LIMD1: variants seen among roughly 807,000 people sequenced by gnomAD.
LIMD1 encodes LIM domain containing 1.
A neutral mutation model predicts 58.4 loss-of-function variants in LIMD1; 23 were observed. The ratio of observed to expected loss-of-function variants is 0.39; its 90% CI spans 0.28 to 0.56. LIMD1 has a LOEUF of 0.56. Ranked by LOEUF, LIMD1 falls within the 20% of genes least tolerant of loss-of-function variation. LIMD1 has a pLI of 0.57. For synonymous variants in LIMD1, 334 were observed against 345.5 expected (o/e 0.97, Z 0.37); for missense variants, 838 against 855.5 (o/e 0.98, Z 0.25).
intron 1 of LIMD1, among the ~76,000 whole-genome samples, chr3:45,615,008 G>A (rs760157338): frequency 2.0e-5 from 3 of 152,032 alleles, no homozygotes; most frequent in South Asian, 2.1e-4. Flanking sequence ...AGAGGATGTC[G>A]GGGAGCAGAA....
Position 45,596,171 on chromosome 3 carries a change from GC to G in LIMD1, c.1294del (p.Gln432SerfsTer9). The G allele has an allele frequency of 6.2e-7, 1 of 1,613,996 alleles. No individual in the cohort carries two copies. The highest frequency in any genetic ancestry group is 8.5e-7 in the Non-Finnish European group (1 of 1,179,962). ...AGCTCCCCTAGGGTAAGGCTGCCCTGCCAGCCCCTCGTCCCAGGTCCTGAGC... is the reference window on the plus strand; with the variant it reads ...AGCTCCCCTAGGGTAAGGCTGCCCTGCAGCCCCTCGTCCCAGGTCCTGAGC... Reference protein sequence around the residue: ...SPSSPRVRLPCQPLVPGPELR... With the variant: ...SPSSPRVRLPXQPLVPGPELR... On this transcript the variant is annotated frameshift_variant, in exon 1 of 8. Transcript: ENST00000273317. LOFTEE classifies it high-confidence loss of function.
rs55722630 is a variant in LIMD1 at position 45,602,223 on chromosome 3, T to C, written c.1408+5936T>C. On this transcript the variant is annotated intron_variant, in intron 1 of 7. Coordinates refer to ENST00000273317, the MANE Select transcript of LIMD1 (RefSeq NM_014240.3). ...TTGGCCTCCCAAAGTGCTGGGATTA[T>C]AGGCGTGAGCCACTGCGCCCGGCCT... 9.6e-4 allele frequency among the ~76,000 whole-genome samples: 146 copies of C among 152,246 alleles called. 1 individual carries two copies. The highest frequency in any genetic ancestry group is 1.4e-3 in the Non-Finnish European group (95 of 68,004).
At position 45,666,482 on chromosome 3, in the gene LIMD1, G is replaced by A. The variant is rs1309853861; in HGVS notation, c.1578+765G>A. Among the ~76,000 whole-genome samples the A allele has an allele frequency of 2.0e-5, 3 of 152,250 alleles. 1 individual carries two copies. Among genetic ancestry groups the A allele is most frequent in the African/African-American group, 7.2e-5 (3 of 41,544 alleles). ...ACACTCAGAAGCTCTCCGAGGTCTG[G>A]AATCCCCAGCTGCCCACACCTATGC... On this transcript the variant is annotated intron_variant, in intron 3 of 7. Coordinates refer to ENST00000273317, the MANE Select transcript of LIMD1 (RefSeq NM_014240.3).
intron 4 of LIMD1, among the ~76,000 whole-genome samples, chr3:45,668,712 C>T (rs1315811743): frequency 6.6e-6 from 1 of 151,272 alleles, no homozygotes; most frequent in African/African-American, 2.4e-5. Flanking sequence ...AAGATCACGC[C>T]ACTGCACTCC....
At chr3:45,608,736 A>G (rs955178949) in intron 1 of LIMD1, among the ~76,000 whole-genome samples, 1 of 149,424 alleles carries the variant, frequency 6.7e-6, no homozygotes, top group African/African-American at 2.5e-5. Flanking sequence ...GCTACTCGGG[A>G]GGCTGAGGCA....
chr3:45,634,273 G>A (rs780982877), intron 1 of LIMD1, among the ~76,000 whole-genome samples: 1 of 151,914 alleles, frequency 6.6e-6, no homozygotes, highest in African/African-American at 2.4e-5. Flanking sequence ...TTTTCATCTT[G>A]TGCATTGTTT....
At chr3:45,611,842 A>C (rs1346600683) in intron 1 of LIMD1, among the ~76,000 whole-genome samples, 1 of 152,188 alleles carries the variant, frequency 6.6e-6, no homozygotes. Context: ...TGGAGCTGGC[A>C]GCCCCTCCTC....
chr3:45,610,172 A>G (rs570462615), intron 1 of LIMD1, among the ~76,000 whole-genome samples: 1 of 152,300 alleles, frequency 6.6e-6, no homozygotes, highest in South Asian at 2.1e-4. Flanking sequence ...CAACAGAGCA[A>G]GGCTCTGTCT....
intron 1 of LIMD1, among the ~76,000 whole-genome samples, chr3:45,620,275 C>T (rs940873696): frequency 1.3e-5 from 2 of 152,226 alleles, no homozygotes; most frequent in African/African-American, 2.4e-5. Flanking sequence ...GCTTCAAAAT[C>T]TGGGCCAATT....
chr3:45,672,902 A>G, intron 5 of LIMD1, 82 bp downstream of exon 5: 8 of 1,538,968 alleles, frequency 5.2e-6, no homozygotes, highest in Non-Finnish European at 5.4e-6. Flanking sequence ...AACCGACAAA[A>G]CTGTGTTTGC....
chr3:45,684,567 T>A lies in LIMD1; in HGVS notation c.*7508T>A, dbSNP rs986343153. On this transcript the variant is annotated 3_prime_UTR_variant, in exon 8 of 8. Transcript: ENST00000273317. ...CATGCAGAGGGAGGAGGACTCCGAA[T>A]GGATCTCCCCATTCCTGGCGGGAAG... is the stretch of plus-strand genomic sequence containing the variant. 2 of 152,208 alleles carry A rather than the reference T, an allele frequency of 1.3e-5. No individual in the cohort carries two copies. The highest frequency in any genetic ancestry group is 4.8e-5 in the African/African-American group (2 of 41,454). The allele number at this position is 152,208 out of a possible 1,614,324, so 9.4% of individuals were successfully genotyped here.
At chr3:45,623,953 A>T (rs964348674) in intron 1 of LIMD1, among the ~76,000 whole-genome samples, 2 of 152,308 alleles carry the variant, frequency 1.3e-5, no homozygotes, top group African/African-American at 2.4e-5. Context: ...GCCCAGCAGC[A>T]GCCACCCCTG....
At chr3:45,615,395 T>C (rs1247000766) in intron 1 of LIMD1, among the ~76,000 whole-genome samples, 1 of 152,190 alleles carries the variant, frequency 6.6e-6, no homozygotes, top group Non-Finnish European at 1.5e-5. Context: ...AAGTGCACTT[T>C]TGTTACATGG....
intron 2 of LIMD1, among the ~76,000 whole-genome samples, chr3:45,641,121 G>A (rs1002930951): frequency 6.6e-6 from 1 of 152,148 alleles, no homozygotes; most frequent in African/African-American, 2.4e-5. Context: ...CCATGGAGAC[G>A]GCACAGCTGG....
At chr3:45,674,459 G>A (rs767705351) in intron 7 of LIMD1, 48 bp downstream of exon 7, 43 of 1,349,316 alleles carry the variant, frequency 3.2e-5, no homozygotes, top group Non-Finnish European at 4.3e-5. Flanking sequence ...AGACATCCAA[G>A]AGAAAAGCAT....
At position 45,674,392 on chromosome 3, in the gene LIMD1, T is replaced by C; in HGVS notation, c.1874T>C (p.Val625Ala). 1 of 1,613,716 alleles carries C rather than the reference T, an allele frequency of 6.2e-7. No individual in the cohort carries two copies. Among genetic ancestry groups the C allele is most frequent in the Non-Finnish European group, 8.5e-7 (1 of 1,179,770 alleles). ...RVVSMDRDYH[V>A]ECYHCEDCGL... ...GTGTCCATGGACAGAGACTACCACG[T>C]GGAGTGTTACCACTGCGAGGTAGAC... Residue 625 changes from valine (V) to alanine (A), a missense_variant, in exon 7 of 8, where the codon GTG (valine) becomes GCG (alanine). Coordinates refer to ENST00000273317, the MANE Select transcript of LIMD1 (RefSeq NM_014240.3).
intron 1 of LIMD1, among the ~76,000 whole-genome samples, chr3:45,596,713 T>C (rs955400811): frequency 1.3e-5 from 2 of 152,064 alleles, no homozygotes; most frequent in Non-Finnish European, 2.9e-5. Flanking sequence ...CAGATCTGGT[T>C]GATCTGGCTG....
intron 1 of LIMD1, among the ~76,000 whole-genome samples, chr3:45,602,011 T>C (rs1305085472): frequency 2.0e-5 from 3 of 151,872 alleles, no homozygotes; most frequent in East Asian, 1.9e-4. Context: ...GGCGCGATCT[T>C]GGCTCACTGC....
rs776675945 is a variant in LIMD1 at position 45,665,637 on chromosome 3, AT to A, written c.1511-7del. On this transcript the variant is annotated splice_polypyrimidine_tract_variant and intron_variant, in intron 2 of 7. Coordinates refer to ENST00000273317, the MANE Select transcript of LIMD1 (RefSeq NM_014240.3). Reference sequence around the variant, plus strand: ...TTTCTTTTTTTACCCTGTGTTTGTGATTTTTTCCTTAGGCCGGAAGCTGAGA... The same window carrying A: ...TTTCTTTTTTTACCCTGTGTTTGTGATTTTTCCTTAGGCCGGAAGCTGAGA... 1 of 1,612,402 alleles carries A rather than the reference AT, an allele frequency of 6.2e-7. No homozygotes were observed. Among genetic ancestry groups the A allele is most frequent in the East Asian group, 2.2e-5 (1 of 44,864 alleles).
Sources: gnomAD v4.1 joint callset for allele counts (sites outside exome capture counted in the v4.1 genomes callset) on GRCh38, gnomAD v4.1.1 for gene constraint, MANE v1.5 for transcripts, NCBI Gene and HGNC (gene_info 2026-07-23, HGNC 2026-07-21) for gene names.